ADGRL2: variants seen among roughly 807,000 people sequenced by gnomAD.
ADGRL2 encodes the protein adhesion G protein-coupled receptor L2, also known as calcium-independent alpha-latrotoxin receptor 2.
Under a neutral mutation model 157.4 loss-of-function variants are expected in ADGRL2, and 44 were observed. The observed-to-expected ratio is 0.28, with a 90% CI of 0.22 to 0.36. The LOEUF (loss-of-function observed/expected upper bound fraction) is 0.36. ADGRL2 is among the 10% of genes least tolerant of loss of function. The pLI, the probability that ADGRL2 is intolerant of heterozygous loss-of-function variation, is 1.00. For synonymous variants in ADGRL2, 585 were observed against 624.7 expected (o/e 0.94, Z 0.95); for missense variants, 1,510 against 1,768.9 (o/e 0.85, Z 2.63).
intron 2 of ADGRL2, among the ~76,000 whole-genome samples, chr1:81,786,790 T>C (rs1041858154): frequency 1.3e-5 from 2 of 152,230 alleles, no homozygotes; most frequent in African/African-American, 4.8e-5. Flanking sequence ...TCTGCTATAT[T>C]GTGTTTTTAT....
intron 3 of ADGRL2, among the ~76,000 whole-genome samples, chr1:81,647,915 C>T (rs1343391863): frequency 6.6e-6 from 1 of 152,176 alleles, no homozygotes; most frequent in Non-Finnish European, 1.5e-5. Context: ...TCCAGAAGCA[C>T]GGCCCTGCTT....
intron 1 of ADGRL2, among the ~76,000 whole-genome samples, chr1:81,440,536 A>G (rs577516317): frequency 7.2e-5 from 11 of 152,160 alleles, no homozygotes; most frequent in Non-Finnish European, 1.6e-4. Flanking sequence ...AATCCCGCAG[A>G]TTTTAACTAC....
At chr1:81,960,016 T>C (rs533787559) in intron 11 of ADGRL2, among the ~76,000 whole-genome samples, 1 of 152,138 alleles carries the variant, frequency 6.6e-6, no homozygotes, top group Non-Finnish European at 1.5e-5. Flanking sequence ...GTCAGGCTGG[T>C]CTCACACTCC....
At chr1:81,644,171 T>TA (rs983383371) in intron 3 of ADGRL2, among the ~76,000 whole-genome samples, 1 of 152,098 alleles carries the variant, frequency 6.6e-6, no homozygotes, top group Non-Finnish European at 1.5e-5. Context: ...CATCTACATG[T>TA]AAAAAATAAA....
chr1:81,932,789 G>A (rs576143706), intron 3 of ADGRL2, among the ~76,000 whole-genome samples: 56 of 152,288 alleles, frequency 3.7e-4, no homozygotes, highest in African/African-American at 1.3e-3. Context: ...TGCCTCGCAG[G>A]TTCAAGCGAT....
At chr1:81,895,753 TA>T (rs1270552263) in intron 2 of ADGRL2, among the ~76,000 whole-genome samples, 3 of 152,096 alleles carry the variant, frequency 2.0e-5, no homozygotes, top group African/African-American at 4.8e-5. Context: ...GTTAGTGCTT[TA>T]AAAAAATTGC....
At chr1:81,760,823 T>C (rs2085856096) in intron 1 of ADGRL2, among the ~76,000 whole-genome samples, 2 of 151,654 alleles carry the variant, frequency 1.3e-5, no homozygotes, top group Admixed American at 6.6e-5. Flanking sequence ...TGTGTTTAAA[T>C]TTTTTTTACA....
chr1:81,662,615 C>T (rs2082675299), intron 3 of ADGRL2, among the ~76,000 whole-genome samples: 1 of 149,970 alleles, frequency 6.7e-6, no homozygotes, highest in African/African-American at 2.5e-5. Context: ...AGTGCAGTGG[C>T]CCGATTTCGG....
At chr1:81,503,302 G>A in intron 2 of ADGRL2, 4 of 1,614,194 alleles carry the variant, frequency 2.5e-6, no homozygotes, top group Non-Finnish European at 3.4e-6. Flanking sequence ...CACCACCTAC[G>A]CAGGTGTGCT....
rs193254635 is a variant in ADGRL2, at chr1:81,356,462, A to T, written c.-302+49953A>T. Among the ~76,000 whole-genome samples, 3 of 152,146 alleles carry T rather than the reference A, an allele frequency of 2.0e-5. No homozygotes were observed. The East Asian group carries it at 5.8e-4, about 29-fold the overall frequency. On this transcript the variant is annotated intron_variant, in intron 1 of 24. Coordinates refer to the ADGRL2 transcript ENST00000370721. ...GAAACTAACTTTTTTTTTGTAAGGG[A>T]GGGAGAACTCAGAAAATTAGAAAGC...
At chr1:81,869,031 A>G (rs1464834771) in intron 2 of ADGRL2, among the ~76,000 whole-genome samples, 1 of 152,158 alleles carries the variant, frequency 6.6e-6, no homozygotes, top group African/African-American at 2.4e-5. Flanking sequence ...TACAGTAGAG[A>G]TGGTGTAAAG....
intron 2 of ADGRL2, among the ~76,000 whole-genome samples, chr1:81,549,488 G>A (rs1253427584): frequency 2.6e-5 from 4 of 152,136 alleles, no homozygotes; most frequent in Non-Finnish European, 4.4e-5. Context: ...AGTAACTACT[G>A]ACATGCCAAA....
At chr1:81,409,816 ACCTTC>A (rs2076918537) in intron 1 of ADGRL2, among the ~76,000 whole-genome samples, 1 of 152,194 alleles carries the variant, frequency 6.6e-6, no homozygotes, top group South Asian at 2.1e-4. Flanking sequence ...GATAAATTTC[ACCTTC>A]CCACTTCTGC....
At chr1:81,465,350 T>C (rs1017652886) in intron 2 of ADGRL2, among the ~76,000 whole-genome samples, 14 of 152,280 alleles carry the variant, frequency 9.2e-5, no homozygotes, top group African/African-American at 3.1e-4. Flanking sequence ...AATTAATTAC[T>C]ATTTTGAATA....
At chr1:81,821,407 A>G (rs193276892) in intron 1 of ADGRL2, among the ~76,000 whole-genome samples, 1 of 152,230 alleles carries the variant, frequency 6.6e-6, no homozygotes, top group African/African-American at 2.4e-5. Flanking sequence ...TCCTTTCTTT[A>G]GTGGGTCATT....
intron 1 of ADGRL2, among the ~76,000 whole-genome samples, chr1:81,325,742 C>G (rs1002884473): frequency 2.6e-5 from 4 of 152,176 alleles, no homozygotes; most frequent in Non-Finnish European, 5.9e-5. Context: ...CTTCAAGCAT[C>G]CCTCTCAACC....
At chr1:81,736,234 T>C (rs1440607650) in intron 1 of ADGRL2, among the ~76,000 whole-genome samples, 2 of 149,796 alleles carry the variant, frequency 1.3e-5, no homozygotes, top group Non-Finnish European at 3.0e-5. Context: ...TGGCAGACAA[T>C]AGTATCTTGA....
chr1:81,851,627 G>A (rs1473521130), intron 2 of ADGRL2, among the ~76,000 whole-genome samples: 1 of 151,192 alleles, frequency 6.6e-6, no homozygotes, highest in African/African-American at 2.4e-5. Flanking sequence ...ATGACTTTTG[G>A]CTCTTTTTCT....
rs551838514 is a variant in ADGRL2, at chr1:81,621,024, G to A, written c.-143+40044G>A. ...TCCATCAGAATCTCAACAGGAGTGC[G>A]GCAGGAGTGTTGTGTCTTTTTCCCC... On this transcript the variant is annotated intron_variant, in intron 3 of 24. Coordinates refer to the ADGRL2 transcript ENST00000370721. 2.6e-5 allele frequency among the ~76,000 whole-genome samples: 4 copies of A among 152,250 alleles called. No homozygotes were observed. The South Asian group carries it at 6.2e-4, about 24-fold the overall frequency.
Sources: gnomAD v4.1 joint callset for allele counts (sites outside exome capture counted in the v4.1 genomes callset) on GRCh38, gnomAD v4.1.1 for gene constraint, MANE v1.5 for transcripts, NCBI Gene and HGNC (gene_info 2026-07-23, HGNC 2026-07-21) for gene names.